The following SSH1 variants were observed in gnomAD, a reference collection of about 807,000 sequenced individuals.
The protein encoded by SSH1 is protein phosphatase Slingshot homolog 1.
A neutral mutation model predicts 79.7 loss-of-function variants in SSH1; 43 were observed. That is an observed-to-expected ratio of 0.54 (90% confidence interval 0.42 to 0.70). The LOEUF is 0.70. Among genes scored for constraint, SSH1 ranks in the 30% least tolerant of loss-of-function variants. The pLI is 0.00. For synonymous variants in SSH1, 599 were observed against 538.3 expected (o/e 1.11, Z -1.56); for missense variants, 1,206 against 1,358.8 (o/e 0.89, Z 1.77).
At chr12:108,835,203 C>T (rs1337199246) in intron 2 of SSH1, among the ~76,000 whole-genome samples, 2 of 152,164 alleles carry the variant, frequency 1.3e-5, no homozygotes, top group Non-Finnish European at 2.9e-5. Flanking sequence ...CTTCGTTGAG[C>T]GCTATGCTAA....
Position 108,790,887 on chromosome 12 carries a change from G to A in SSH1, c.1893+1399C>T, listed in dbSNP as rs559144913. On this transcript the variant is annotated intron_variant, in intron 14 of 14. Coordinates refer to ENST00000326495, the MANE Select transcript of SSH1 (RefSeq NM_018984.4). ...GGTGGAAGTGGAGACCAGGCTGCAC[G>A]GCCACCCTTCCACTGAACCAGCCTC... Among the ~76,000 whole-genome samples, 6 of 152,202 alleles carry A rather than the reference G, an allele frequency of 3.9e-5. No individual in the cohort carries two copies. The East Asian group carries it at 7.7e-4, about 20-fold the overall frequency.
intron 14 of SSH1, among the ~76,000 whole-genome samples, chr12:108,789,877 A>C (rs1051988021): frequency 2.0e-5 from 3 of 152,182 alleles, no homozygotes; most frequent in Admixed American, 6.5e-5. Flanking sequence ...CAAACAGATA[A>C]GAGACAAGGT....
At chr12:108,845,216 A>G (rs568341100) in intron 2 of SSH1, among the ~76,000 whole-genome samples, 1 of 146,002 alleles carries the variant, frequency 6.8e-6, no homozygotes, top group Non-Finnish European at 1.5e-5. Flanking sequence ...AAAAAAAAGT[A>G]AAAAAAAAAA....
At position 108,779,216 on chromosome 12, in the gene SSH1, T is replaced by G. The variant is rs1413840083; in HGVS notation, c.*8772A>C. On this transcript the variant is annotated 3_prime_UTR_variant, in exon 15 of 15. Transcript: ENST00000326495. Reference sequence around the variant, plus strand: ...TTTACAAAAAAAAGGAATTTCAGGTTGAAAATGGACTCTTAACAAGGTACT... The same window carrying G: ...TTTACAAAAAAAAGGAATTTCAGGTGGAAAATGGACTCTTAACAAGGTACT... 6.6e-6 allele frequency: 1 copy of G among 152,232 alleles called. No homozygotes were observed. The highest frequency in any genetic ancestry group is 1.5e-5 in the Non-Finnish European group (1 of 68,042). 9.4% of individuals were successfully genotyped at this position (152,232 alleles called of 1,614,324 possible).
intron 4 of SSH1, among the ~76,000 whole-genome samples, chr12:108,817,772 C>A (rs950624874): frequency 6.6e-5 from 10 of 152,230 alleles, no homozygotes; most frequent in African/African-American, 2.2e-4. Context: ...TTCATCCCTC[C>A]TCCCGCCCCT....
chr12:108,802,177 T>C (rs2037042793), intron 11 of SSH1, 145 bp downstream of exon 11: 4 of 706,532 alleles, frequency 5.7e-6, no homozygotes, highest in Non-Finnish European at 1.0e-5. Context: ...TGTTTAGCTA[T>C]GCACATCAAC....
At chr12:108,847,408 A>AC (rs2137278182) in intron 2 of SSH1, among the ~76,000 whole-genome samples, 1 of 152,340 alleles carries the variant, frequency 6.6e-6, no homozygotes, top group South Asian at 2.1e-4. Context: ...TGTTTCTCCT[A>AC]CATGTCTGGA....
intron 6 of SSH1, 97 bp from the exon 7 acceptor site, chr12:108,809,855 CT>C: frequency 9.8e-7 from 1 of 1,025,302 alleles, no homozygotes; most frequent in Non-Finnish European, 1.6e-6. Context: ...ACTGCGCACG[CT>C]GGGAACAAGC....
chr12:108,810,586 C>T (rs750392930), intron 6 of SSH1, among the ~76,000 whole-genome samples: 6 of 152,024 alleles, frequency 3.9e-5, no homozygotes, highest in Non-Finnish European at 5.9e-5. Flanking sequence ...TCCCCATAAC[C>T]CCATCACTTA....
intron 2 of SSH1, among the ~76,000 whole-genome samples, chr12:108,835,099 T>G (rs1020854905): frequency 6.6e-6 from 1 of 152,156 alleles, no homozygotes; most frequent in South Asian, 2.1e-4. Flanking sequence ...TCACCTTGAG[T>G]GTCTGGAGAG....
At chr12:108,816,953 G>A (rs2037917690) in intron 5 of SSH1, 85 bp downstream of exon 5, 2 of 1,589,832 alleles carry the variant, frequency 1.3e-6, no homozygotes, top group African/African-American at 2.7e-5. Context: ...TCCCACCTCT[G>A]ATGGATATGG....
chr12:108,804,927 C>T, intron 10 of SSH1, 129 bp downstream of exon 10: 1 of 1,149,040 alleles, frequency 8.7e-7, no homozygotes, highest in South Asian at 1.4e-5. Flanking sequence ...CTCCTGCCAG[C>T]CAGGATGGAG....
At chr12:108,855,886 T>A (rs1026780436) in intron 1 of SSH1, among the ~76,000 whole-genome samples, 7 of 152,184 alleles carry the variant, frequency 4.6e-5, no homozygotes, top group African/African-American at 1.4e-4. Context: ...CTGTGAAGGT[T>A]CAACTTCCCA....
Position 108,789,228 on chromosome 12 carries a change from C to T in SSH1, c.1910G>A (p.Gly637Glu), listed in dbSNP as rs1471212641. The T allele has an allele frequency of 1.9e-6, 3 of 1,598,234 alleles. No individual in the cohort carries two copies. The highest frequency in any genetic ancestry group is 1.7e-6 in the Non-Finnish European group (2 of 1,171,918). The stretch of plus-strand genomic sequence containing the variant: ...GGAAGGCTTCACTTTGTTAAGGATC[C>T]CAAATATAGCATCATCCTGCAAGGA... ...PNGMEDDAIF[G>E]ILNKVKPSYK... Residue 637 changes from glycine to glutamate, a missense_variant, in exon 15 of 15, where the codon GGG (glycine) becomes GAG (glutamate). Physicochemically the swap from Gly to Glu is moderately conservative, Grantham distance 98 (BLOSUM62 -2). Coordinates refer to ENST00000326495, the MANE Select transcript of SSH1 (RefSeq NM_018984.4).
chr12:108,842,330 G>A (rs376328070), intron 2 of SSH1, among the ~76,000 whole-genome samples: 21 of 152,326 alleles, frequency 1.4e-4, no homozygotes, highest in African/African-American at 4.6e-4. Context: ...CAAGGCCACA[G>A]GGGTTAGGGC....
intron 14 of SSH1, among the ~76,000 whole-genome samples, chr12:108,791,734 G>A (rs979693585): frequency 6.6e-6 from 1 of 152,116 alleles, no homozygotes; most frequent in Non-Finnish European, 1.5e-5. Flanking sequence ...ACTCCAGCAT[G>A]GGAAACAGTG....
chr12:108,807,589 G>A lies in SSH1; in HGVS notation c.731+44C>T. The A allele has an allele frequency of 6.3e-7, 1 of 1,594,568 alleles. No individual in the cohort carries two copies. The highest frequency in any genetic ancestry group is 1.1e-5 in the South Asian group (1 of 90,446). On this transcript the variant is annotated intron_variant, in intron 8 of 14. Transcript: ENST00000326495. The surrounding 1 kb of genome is among the most constrained non-coding windows in gnomAD (Gnocchi z 5.2). ...CAGGGCAGGTGGGGGAGAGGCAGGT[G>A]CCTGTGGGCTTGGGTGCGCTCACAC...
intron 13 of SSH1, among the ~76,000 whole-genome samples, chr12:108,793,346 G>C (rs990077496): frequency 2.6e-5 from 4 of 151,814 alleles, no homozygotes; most frequent in African/African-American, 9.7e-5. Context: ...TTTAGGTTTA[G>C]GTCAGTTTTT....
At chr12:108,846,324 C>G (rs2038898978) in intron 2 of SSH1, among the ~76,000 whole-genome samples, 1 of 152,168 alleles carries the variant, frequency 6.6e-6, no homozygotes. Context: ...CACTCCTGAT[C>G]CACACCCTGG....
Sources: allele counts gnomAD v4.1 joint callset (sites outside exome capture counted in the v4.1 genomes callset), GRCh38; gene constraint gnomAD v4.1.1; non-coding constraint Gnocchi (gnomAD v3.1); transcripts MANE v1.5; gene names NCBI Gene and HGNC (gene_info 2026-07-23, HGNC 2026-07-21).